SVEP1: variants seen among roughly 807,000 people sequenced by gnomAD.
SVEP1 encodes sushi, von Willebrand factor type A, EGF and pentraxin domain-containing protein 1.
A neutral mutation model predicts 367.3 loss-of-function variants in SVEP1; 164 were observed. That is an observed-to-expected ratio of 0.45 (90% CI 0.39 to 0.51). SVEP1 has a LOEUF of 0.51. Among genes scored for constraint, SVEP1 ranks in the 20% least tolerant of loss-of-function variants. SVEP1 has a pLI of 0.00. For synonymous variants in SVEP1, 1,666 were observed against 1,611.6 expected, an observed-to-expected ratio of 1.03 and a Z score of -0.81; for missense variants, 4,117 against 4,425.3, an observed-to-expected ratio of 0.93 and a Z score of 1.98.
At position 110,570,235 on chromosome 9, in the gene SVEP1, C is replaced by T. The variant is rs116366536; in HGVS notation, c.531+8778G>A. 2.5e-3 allele frequency among the ~76,000 whole-genome samples: 378 copies of T among 152,208 alleles called. 7 individuals carry two copies. Among genetic ancestry groups the T allele is most frequent in the African/African-American group, 8.8e-3 (366 of 41,524 alleles). Reference sequence around the variant, plus strand: ...AGAGACAATACATAACAGGAAATTCCTTTCAATGTAGACATGTCTTCACCT... The same window carrying T: ...AGAGACAATACATAACAGGAAATTCTTTTCAATGTAGACATGTCTTCACCT... On this transcript the variant is annotated intron_variant, in intron 1 of 47. Coordinates refer to ENST00000374469, the MANE Select transcript of SVEP1 (RefSeq NM_153366.4).
At chr9:110,383,544 GTGACCCCTGTTGTGGGGGGGTCTCATCCC>G (rs1456225224) in intron 43 of SVEP1, among the ~76,000 whole-genome samples, 3 of 50,174 alleles carry the variant, frequency 6.0e-5, no homozygotes, top group South Asian at 5.5e-4. Flanking sequence ...GGTCTCATCC[GTGACCCCTGTTGTGGGGGGGTCTCATCCC>G]AATCAGGAGG....
At chr9:110,490,037 T>C (rs1829343871) in intron 8 of SVEP1, among the ~76,000 whole-genome samples, 1 of 152,206 alleles carries the variant, frequency 6.6e-6, no homozygotes, top group South Asian at 2.1e-4. Context: ...ATGTAGTCCT[T>C]AAAACTTAAG....
intron 46 of SVEP1, among the ~76,000 whole-genome samples, chr9:110,371,209 ACT>A (rs1481400088): frequency 6.6e-6 from 1 of 152,098 alleles, no homozygotes; most frequent in Admixed American, 6.6e-5. Flanking sequence ...CAAAAATAAA[ACT>A]CAATAATTGA....
chr9:110,563,440 A>T (rs777266815), intron 1 of SVEP1, among the ~76,000 whole-genome samples: 2 of 152,354 alleles, frequency 1.3e-5, no homozygotes, highest in Middle Eastern at 3.4e-3. Flanking sequence ...TTAGAGAAAC[A>T]TGCAAATAGA....
chr9:110,403,230 T>G (rs1304538243), intron 39 of SVEP1, among the ~76,000 whole-genome samples: 2 of 148,694 alleles, frequency 1.3e-5, no homozygotes, highest in South Asian at 2.1e-4. Context: ...CTTATGGAAG[T>G]TAGGAGAAGG....
intron 3 of SVEP1, among the ~76,000 whole-genome samples, chr9:110,520,356 G>A (rs930733256): frequency 6.6e-6 from 1 of 152,134 alleles, no homozygotes; most frequent in Admixed American, 6.5e-5. Context: ...ACAAGTCTCC[G>A]TAAAGGGCTA....
At chr9:110,461,300 T>C (rs770717519) in intron 18 of SVEP1, among the ~76,000 whole-genome samples, 5 of 152,156 alleles carry the variant, frequency 3.3e-5, no homozygotes, top group Non-Finnish European at 7.4e-5. Context: ...TGAATTCAGG[T>C]TGGGTATGTC....
At position 110,387,382 on chromosome 9, in the gene SVEP1, C is replaced by T. The variant is rs750188941; in HGVS notation, c.9963G>A (p.Val3321=). 3 of 1,613,602 alleles carry T rather than the reference C, an allele frequency of 1.9e-6. No homozygotes were observed. Among genetic ancestry groups the T allele is most frequent in the Non-Finnish European group, 1.7e-6 (2 of 1,179,790 alleles). ...DIENRTTGPN[V]VYSCNRGYSL... is the part of the protein sequence containing the mutation. The stretch of plus-strand genomic sequence containing the variant: ...TGTAGCCTCTGTTGCAGGAATATAC[C>T]ACGTTGGGTCCAGTCGTCCTGTTTT... Residue 3321 remains valine, a synonymous_variant, in exon 42 of 48, where the codon GTG becomes GTA. Coordinates refer to ENST00000374469, the MANE Select transcript of SVEP1 (RefSeq NM_153366.4).
rs539047241 is a variant in SVEP1 at position 110,569,050 on chromosome 9, G to A, written c.531+9963C>T. ...TGAGGCTGCAGTGAGACATGATCAT[G>A]CCATTGCATTCCAGCCTGGGAGACA... On this transcript the variant is annotated intron_variant, in intron 1 of 47. Transcript: ENST00000374469. 7.9e-5 allele frequency among the ~76,000 whole-genome samples: 12 copies of A among 152,274 alleles called. No individual in the cohort carries two copies. The South Asian group carries it at 1.9e-3, about 24-fold the overall frequency.
rs569909987 is a variant in SVEP1, at chr9:110,549,567, C to T, written c.787+282G>A. Among the ~76,000 whole-genome samples, 13 of 152,190 alleles carry T rather than the reference C, an allele frequency of 8.5e-5. No homozygotes were observed. In the East Asian group the frequency reaches 2.3e-3, roughly 27 times the overall value. ...ACTCTGTGTGTGGCCTCAAAACACA[C>T]CTAAATTCATTCCACTGATTCTAAG... On this transcript the variant is annotated intron_variant, in intron 2 of 47. Transcript: ENST00000374469.
rs368027507 is a variant in SVEP1 at position 110,404,462 on chromosome 9, A to T, written c.9531T>A (p.Ser3177Arg). The change falls in exon 39 of 48, where the codon AGT becomes AGA. Residue 3177 changes from serine (S) to arginine (R), a missense_variant. Physicochemically the swap from Ser to Arg is moderately radical, Grantham distance 110 (BLOSUM62 -1). Transcript: ENST00000374469. ...GRWFPERISC[S>R]PKKCPLPENI... The stretch of plus-strand genomic sequence containing the variant: ...TTTCCGGGAGAGGACATTTTTTAGG[A>T]CTGCAGGAGATTCTCTCAGGGAACC... 4 of 1,613,878 alleles carry T rather than the reference A, an allele frequency of 2.5e-6. No individual in the cohort carries two copies. The highest frequency in any genetic ancestry group is 3.4e-6 in the Non-Finnish European group (4 of 1,179,894).
Position 110,408,382 on chromosome 9 carries a change from A to G in SVEP1, c.7218T>C (p.Tyr2406=). 1 of 1,613,996 alleles carries G rather than the reference A, an allele frequency of 6.2e-7. No individual in the cohort carries two copies. The highest frequency in any genetic ancestry group is 8.5e-7 in the Non-Finnish European group (1 of 1,179,896). ...SALHFGSTVK[Y]SCVGGFFLRG... ...TTAGGAAAAACCCACCTACACAAGA[A>G]TACTTGACAGTACTTCCAAAATGAA... Residue 2406 remains tyrosine, a synonymous_variant, in exon 38 of 48, where the codon TAT becomes TAC. Transcript: ENST00000374469.
At position 110,555,618 on chromosome 9, in the gene SVEP1, T is replaced by A. The variant is rs78458478; in HGVS notation, c.532-5514A>T. On this transcript the variant is annotated intron_variant, in intron 1 of 47. Coordinates refer to ENST00000374469, the MANE Select transcript of SVEP1 (RefSeq NM_153366.4). Reference sequence around the variant, plus strand: ...CAAAACACTTCAAGCCATGATTCTATTTTTCTTCTCTTTTTACAGAGAACT... The same window carrying A: ...CAAAACACTTCAAGCCATGATTCTAATTTTCTTCTCTTTTTACAGAGAACT... 4.8e-3 allele frequency among the ~76,000 whole-genome samples: 725 copies of A among 152,340 alleles called. 5 individuals are homozygous for A. The highest frequency in any genetic ancestry group is 5.8e-3 in the Non-Finnish European group (397 of 68,038).
Position 110,468,979 on chromosome 9 carries a change from T to C in SVEP1, c.3121A>G (p.Thr1041Ala), listed in dbSNP as rs1359466976. ...ECKLCPSGMY[T>A]EYIHSRNISD... Reference sequence around the variant, plus strand: ...ATGTTTCTTGAATGGATATATTCCGTGTACATCCCAGAGGGGCAAAGCTTG... The same window carrying C: ...ATGTTTCTTGAATGGATATATTCCGCGTACATCCCAGAGGGGCAAAGCTTG... Residue 1041 changes from threonine (T) to alanine (A), a missense_variant, in exon 17 of 48, where the codon ACG (threonine) becomes GCG (alanine). Physicochemically the swap from Thr to Ala is moderately conservative, Grantham distance 58 (BLOSUM62 0). This residue lies in a region of SVEP1 where 2,174 missense variants were observed against 2,494.3 expected (regional missense o/e 0.87). Transcript: ENST00000374469. The C allele has an allele frequency of 5.0e-6, 8 of 1,613,350 alleles. No individual in the cohort carries two copies. The highest frequency in any genetic ancestry group is 6.8e-6 in the Non-Finnish European group (8 of 1,179,624).
At chr9:110,539,076 G>C (rs1228243295) in intron 3 of SVEP1, among the ~76,000 whole-genome samples, 1 of 152,052 alleles carries the variant, frequency 6.6e-6, no homozygotes, top group African/African-American at 2.4e-5. Context: ...AATGAGTTCT[G>C]TTCCACTTAA....
intron 13 of SVEP1, among the ~76,000 whole-genome samples, chr9:110,478,491 T>C (rs928185918): frequency 6.6e-6 from 1 of 152,192 alleles, no homozygotes; most frequent in African/African-American, 2.4e-5. Flanking sequence ...TAGTGTCTGA[T>C]AGACACTGAG....
intron 2 of SVEP1, among the ~76,000 whole-genome samples, chr9:110,546,600 C>A (rs1830224477): frequency 6.6e-6 from 1 of 152,168 alleles, no homozygotes; most frequent in Non-Finnish European, 1.5e-5. Flanking sequence ...ACAGTGCAGT[C>A]AGTTCTGCAG....
At chr9:110,466,161 C>T (rs1828933896) in intron 17 of SVEP1, 135 bp from the exon 18 acceptor site, 4 of 890,288 alleles carry the variant, frequency 4.5e-6, no homozygotes, top group Non-Finnish European at 6.5e-6. Context: ...GCTCTTTCTC[C>T]TGTTAGCTAA....
chr9:110,366,025 C>T lies in SVEP1; in HGVS notation c.*514G>A, dbSNP rs1588013627. ...ATGAAAGAAAAAGCTTTTATTATTA[C>T]ACATATTGTATAGAAGATGGAACCA... is the stretch of plus-strand genomic sequence containing the variant. On this transcript the variant is annotated 3_prime_UTR_variant, in exon 48 of 48. Coordinates refer to ENST00000374469, the MANE Select transcript of SVEP1 (RefSeq NM_153366.4). 1 of 152,400 alleles carries T rather than the reference C, an allele frequency of 6.6e-6. No homozygotes were observed. The highest frequency in any genetic ancestry group is 1.5e-5 in the Non-Finnish European group (1 of 68,108). The allele number at this position is 152,400 out of a possible 1,614,324, so 9.4% of individuals were successfully genotyped here. A position where few individuals can be genotyped will look rare whatever the true frequency, so the allele number is the denominator to read the frequency against.
Sources: gnomAD v4.1 joint callset for allele counts (sites outside exome capture counted in the v4.1 genomes callset) on GRCh38, gnomAD v4.1.1 for gene constraint, gnomAD v4.1.1 regional missense constraint, MANE v1.5 for transcripts, NCBI Gene and HGNC (gene_info 2026-07-23, HGNC 2026-07-21) for gene names.